Variants in ASAP1 observed in about 807,000 individuals in gnomAD.
ASAP1 encodes arf-GAP with SH3 domain, ANK repeat and PH domain-containing protein 1.
ASAP1 carries 43 observed loss-of-function variants against 145.2 expected under a neutral mutation model. That is an observed-to-expected ratio of 0.30 (90% CI 0.23 to 0.38). ASAP1 has a LOEUF of 0.38. Ranked by LOEUF, ASAP1 falls within the 10% of genes least tolerant of loss-of-function variation. The pLI is 1.00. For missense variants in ASAP1, 1,018 were observed against 1,355.3 expected (o/e 0.75, Z 3.91); for synonymous variants, 546 against 515.5 (o/e 1.06, Z -0.80).
At chr8:130,096,297 G>C (rs1283297203) in intron 24 of ASAP1, among the ~76,000 whole-genome samples, 1 of 152,134 alleles carries the variant, frequency 6.6e-6, no homozygotes, top group Non-Finnish European at 1.5e-5. Flanking sequence ...CTGAGTACTG[G>C]TTCAGTCAGG....
At chr8:130,059,371 G>A (rs1200903872) in intron 28 of ASAP1, among the ~76,000 whole-genome samples, 2 of 152,000 alleles carry the variant, frequency 1.3e-5, no homozygotes, top group African/African-American at 4.8e-5. Context: ...TCTGTATGTT[G>A]CCCAGGCTGG....
intron 1 of ASAP1, among the ~76,000 whole-genome samples, chr8:130,434,878 C>T (rs183425995): frequency 6.0e-4 from 91 of 152,224 alleles, no homozygotes; most frequent in Non-Finnish European, 2.5e-4. Flanking sequence ...GACCATACAC[C>T]GAACAATAGC....
At chr8:130,108,998 C>G (rs1423215954) in intron 24 of ASAP1, among the ~76,000 whole-genome samples, 1 of 151,860 alleles carries the variant, frequency 6.6e-6, no homozygotes, top group Non-Finnish European at 1.5e-5. Context: ...TGGTCTCGAA[C>G]TCCCGACGTC....
intron 1 of ASAP1, among the ~76,000 whole-genome samples, chr8:130,435,967 G>A (rs1463131527): frequency 2.0e-5 from 3 of 152,206 alleles, no homozygotes; most frequent in African/African-American, 7.2e-5. Flanking sequence ...GCTCTGTGGA[G>A]ACATCTCTGC....
At chr8:130,268,215 G>T (rs1355851120) in intron 3 of ASAP1, among the ~76,000 whole-genome samples, 1 of 152,134 alleles carries the variant, frequency 6.6e-6, no homozygotes, top group African/African-American at 2.4e-5. Flanking sequence ...GCCTGGCACG[G>T]TAGCTCATGC....
At chr8:130,072,824 T>TGTGTGTGCGCGTGTGCGCGCGCGC in intron 27 of ASAP1, among the ~76,000 whole-genome samples, 1 of 32,282 alleles carries the variant, frequency 3.1e-5, no homozygotes, top group African/African-American at 1.2e-4. Context: ...TGTGTGTGTG[T>TGTGTGTGCGCGTGTGCGCGCGCGC]GCGCGCGGGG....
intron 3 of ASAP1, among the ~76,000 whole-genome samples, chr8:130,303,278 T>C (rs1822789075): frequency 6.6e-6 from 1 of 152,222 alleles, no homozygotes; most frequent in African/African-American, 2.4e-5. Flanking sequence ...ACAGCAAAAC[T>C]ATAAGTGTAT....
intron 3 of ASAP1, among the ~76,000 whole-genome samples, chr8:130,257,792 C>CCCT (rs1554860683): frequency 1.4e-5 from 2 of 144,356 alleles, no homozygotes; most frequent in African/African-American, 2.6e-5. Flanking sequence ...GAGCACCCCC[C>CCCT]CCCCATTATT....
intron 13 of ASAP1, among the ~76,000 whole-genome samples, chr8:130,139,253 G>A (rs2097603602): frequency 6.6e-6 from 1 of 152,110 alleles, no homozygotes; most frequent in South Asian, 2.1e-4. Context: ...GTATATGAAG[G>A]TTGTTATTGG....
intron 3 of ASAP1, among the ~76,000 whole-genome samples, chr8:130,340,163 T>C (rs759053327): frequency 4.6e-5 from 7 of 152,216 alleles, no homozygotes; most frequent in Non-Finnish European, 8.8e-5. Context: ...CTGAAAGGAC[T>C]GGCTGGAGAA....
At chr8:130,104,800 C>T (rs2097534359) in intron 24 of ASAP1, among the ~76,000 whole-genome samples, 3 of 152,000 alleles carry the variant, frequency 2.0e-5, no homozygotes, top group Non-Finnish European at 4.4e-5. Flanking sequence ...TTTAGTTACA[C>T]ACAGAAAAAC....
chr8:130,285,327 A>G (rs1220809427), intron 3 of ASAP1, among the ~76,000 whole-genome samples: 1 of 152,186 alleles, frequency 6.6e-6, no homozygotes, highest in Admixed American at 6.5e-5. Context: ...TGGAAAGAAA[A>G]AAAAACAAAA....
At chr8:130,365,227 C>A (rs879784364) in intron 2 of ASAP1, among the ~76,000 whole-genome samples, 5 of 152,174 alleles carry the variant, frequency 3.3e-5, no homozygotes, top group Admixed American at 1.3e-4. Context: ...GAGATAAGCA[C>A]AATTTGCTCA....
intron 5 of ASAP1, among the ~76,000 whole-genome samples, chr8:130,208,068 G>A (rs576609068): frequency 5.9e-5 from 9 of 152,144 alleles, no homozygotes; most frequent in African/African-American, 1.9e-4. Flanking sequence ...AATTTGATAG[G>A]TTATACTTTT....
intron 3 of ASAP1, among the ~76,000 whole-genome samples, chr8:130,244,083 G>A (rs578114587): frequency 1.4e-4 from 22 of 152,204 alleles, no homozygotes; most frequent in South Asian, 1.0e-3. Context: ...CTGGAGGGCC[G>A]AATCAAGGGT....
chr8:130,134,231 G>C, intron 15 of ASAP1, 65 bp downstream of exon 15: 1 of 1,249,714 alleles, frequency 8.0e-7, no homozygotes, highest in Non-Finnish European at 1.1e-6. Context: ...ATGTTGATGT[G>C]TATTGTAAAC....
intron 5 of ASAP1, among the ~76,000 whole-genome samples, chr8:130,207,286 A>T (rs1027875925): frequency 1.3e-5 from 2 of 152,214 alleles, no homozygotes; most frequent in African/African-American, 4.8e-5. Flanking sequence ...CTTTAATGAG[A>T]GGAAGGATAA....
chr8:130,412,328 T>C (rs1327336007), intron 1 of ASAP1, among the ~76,000 whole-genome samples: 3 of 152,244 alleles, frequency 2.0e-5, no homozygotes, highest in East Asian at 3.9e-4. Flanking sequence ...ACCATCCCCT[T>C]GTTGCTGTCC....
In ASAP1 at chr8:130,358,724, G is replaced by A. The variant is rs1826526636; in HGVS notation, c.60-581C>T. ...GCCCCCCCGGTCCCTCCCCGCCCGC[G>A]CCCCGCCCCCGGCCCGGCCCCCGCC... On this transcript the variant is annotated intron_variant, in intron 2 of 29. Coordinates refer to ENST00000518721, the MANE Select transcript of ASAP1 (RefSeq NM_018482.4). The surrounding 1 kb of genome is among the most constrained non-coding windows in gnomAD (Gnocchi z 4.1). Among the ~76,000 whole-genome samples the A allele has an allele frequency of 2.4e-5, 1 of 42,370 alleles. No individual in the cohort carries two copies. 27.8% of individuals were successfully genotyped at this position (42,370 alleles called of 152,430 possible).
Sources: allele counts gnomAD v4.1 joint callset (sites outside exome capture counted in the v4.1 genomes callset), GRCh38; gene constraint gnomAD v4.1.1; non-coding constraint Gnocchi (gnomAD v3.1); transcripts MANE v1.5; gene names NCBI Gene and HGNC (gene_info 2026-07-23, HGNC 2026-07-21).